SASH1: variants seen among roughly 807,000 people sequenced by gnomAD.
The protein encoded by SASH1 is SAM and SH3 domain containing 1, also known as SAM and SH3 domain-containing protein 1.
Under a neutral mutation model 125.2 loss-of-function variants are expected in SASH1, and 44 were observed. The observed-to-expected ratio is 0.35, with a 90% confidence interval of 0.28 to 0.45. SASH1 has a LOEUF of 0.45. SASH1 is among the 20% of genes least tolerant of loss of function. The pLI, the probability that SASH1 is intolerant of heterozygous loss-of-function variation, is 1.00. For synonymous variants in SASH1, 639 were observed against 649.1 expected, an observed-to-expected ratio of 0.98 and a Z score of 0.24; for missense variants, 1,426 against 1,614.5, an observed-to-expected ratio of 0.88 and a Z score of 2.00.
intron 1 of SASH1, among the ~76,000 whole-genome samples, chr6:148,316,319 G>A (rs148067430): frequency 0.015 from 2,349 of 152,260 alleles, 33 homozygotes; most frequent in Non-Finnish European, 0.023. Flanking sequence ...CATAGGCAGC[G>A]TGGGGCAGAC....
intron 2 of SASH1, among the ~76,000 whole-genome samples, chr6:148,407,065 T>A (rs1050694635): frequency 5.9e-5 from 9 of 151,892 alleles, no homozygotes; most frequent in Non-Finnish European, 8.8e-5. Context: ...AAAATTATTT[T>A]AAAAAATTAT....
chr6:148,537,398 C>T (rs139886516), intron 16 of SASH1, among the ~76,000 whole-genome samples: 1 of 152,284 alleles, frequency 6.6e-6, no homozygotes, highest in African/African-American at 2.4e-5. Flanking sequence ...ATGAAAGCCT[C>T]TTACAAATTG....
intron 1 of SASH1, among the ~76,000 whole-genome samples, chr6:148,366,123 A>G (rs1362245985): frequency 7.2e-6 from 1 of 139,014 alleles, no homozygotes; most frequent in Non-Finnish European, 1.6e-5. Context: ...AAAAAAGAAA[A>G]GAAAAAAAAA....
intron 1 of SASH1, among the ~76,000 whole-genome samples, chr6:148,375,476 G>A (rs1390584139): frequency 6.6e-6 from 1 of 151,708 alleles, no homozygotes; most frequent in Non-Finnish European, 1.5e-5. Context: ...CTTCCAAGAT[G>A]TTTTAAATCT....
At chr6:148,270,424 C>T (rs770030263), upstream of SASH1, among the ~76,000 whole-genome samples, 2 of 152,124 alleles carry the variant, frequency 1.3e-5, no homozygotes, top group African/African-American at 2.4e-5. Context: ...TAAATAAGTG[C>T]ATTACTGATA....
chr6:148,306,308 C>T (rs533864872), intron 1 of SASH1, among the ~76,000 whole-genome samples: 1 of 152,286 alleles, frequency 6.6e-6, no homozygotes, highest in Admixed American at 6.5e-5. Context: ...ATGTCCGCCT[C>T]TAAAGGGACA....
intron 1 of SASH1, among the ~76,000 whole-genome samples, chr6:148,336,648 G>A (rs1781164571): frequency 6.6e-6 from 1 of 152,232 alleles, no homozygotes; most frequent in Non-Finnish European, 1.5e-5. Context: ...GACAGAAACA[G>A]AGGTAAAGCA....
At chr6:148,475,204 A>G (rs146158249) in intron 7 of SASH1, among the ~76,000 whole-genome samples, 1 of 152,334 alleles carries the variant, frequency 6.6e-6, no homozygotes, top group Non-Finnish European at 1.5e-5. Flanking sequence ...TTAGAAATTG[A>G]CAAAAACCTT....
intron 7 of SASH1, among the ~76,000 whole-genome samples, chr6:148,482,854 A>C (rs911636906): frequency 1.3e-5 from 2 of 151,728 alleles, no homozygotes. Flanking sequence ...ACGCCCAGCT[A>C]ATTTTTGTAT....
chr6:148,431,976 ATTTT>A (rs5880778), intron 2 of SASH1, among the ~76,000 whole-genome samples: 2 of 139,964 alleles, frequency 1.4e-5, no homozygotes, highest in Admixed American at 7.2e-5. Flanking sequence ...AAGTAATATA[ATTTT>A]TTTTTTTTTT....
intron 8 of SASH1, among the ~76,000 whole-genome samples, chr6:148,491,936 T>G (rs1475095628): frequency 1.3e-5 from 2 of 152,208 alleles, no homozygotes; most frequent in African/African-American, 4.8e-5. Context: ...CCTCAAGTCC[T>G]GAAGTCTAAC....
chr6:148,524,210 T>C (rs1293135610), intron 10 of SASH1, among the ~76,000 whole-genome samples: 4 of 139,366 alleles, frequency 2.9e-5, no homozygotes, highest in African/African-American at 1.0e-4. Flanking sequence ...ATGGCAAAAC[T>C]GCGATTACTT....
chr6:148,210,561 T>C, the SASH1 span, among the ~76,000 whole-genome samples: 1 of 152,176 alleles, frequency 6.6e-6, no homozygotes, highest in Non-Finnish European at 1.5e-5. Flanking sequence ...AAAAACTATA[T>C]CATTGCTGTC....
At chr6:148,530,810 G>GATA (rs1423113333) in intron 12 of SASH1, among the ~76,000 whole-genome samples, 2 of 152,298 alleles carry the variant, frequency 1.3e-5, no homozygotes, top group African/African-American at 4.8e-5. Flanking sequence ...CCGCTGAGAG[G>GATA]ATAATACTTA....
chr6:148,215,142 T>C, the SASH1 span, among the ~76,000 whole-genome samples: 1 of 152,234 alleles, frequency 6.6e-6, no homozygotes, highest in Admixed American at 6.5e-5. Flanking sequence ...TGTGAGGGGT[T>C]CTGCCAGCAC....
Position 148,326,091 on chromosome 6 carries a change from G to C in SASH1, n.74+53714G>C, listed in dbSNP as rs1257551435. Among the ~76,000 whole-genome samples the C allele has an allele frequency of 3.4e-5, 5 of 148,782 alleles. No individual in the cohort carries two copies. In the South Asian group the frequency reaches 1.1e-3, roughly 32 times the overall value. On this transcript the variant is annotated intron_variant and non_coding_transcript_variant, in intron 1 of 3. Coordinates refer to the SASH1 transcript ENST00000367469. ...CACCCAGGCTGGAGTGTAATGGCAC[G>C]ATCTCCACTCACTGCAATCTCCACC... is the stretch of plus-strand genomic sequence containing the variant.
chr6:148,379,798 A>G (rs1783059582), intron 1 of SASH1: 1 of 399,146 alleles, frequency 2.5e-6, no homozygotes. Flanking sequence ...CACCTTTTAA[A>G]AACTCCTTAC....
At chr6:148,236,263 G>A in the SASH1 span, among the ~76,000 whole-genome samples, 1 of 151,274 alleles carries the variant, frequency 6.6e-6, no homozygotes, top group African/African-American at 2.4e-5. Flanking sequence ...CACCCAGGCT[G>A]GAGTGCAATG....
upstream of SASH1, chr6:148,342,638 G>A (rs1207684374): frequency 6.6e-6 from 1 of 152,154 alleles, no homozygotes; most frequent in Non-Finnish European, 1.5e-5. Context: ...AGATCTAGAG[G>A]CTCCGCGGCC....
Sources: gnomAD v4.1 joint callset for allele counts (sites outside exome capture counted in the v4.1 genomes callset) on GRCh38, gnomAD v4.1.1 for gene constraint, MANE v1.5 for transcripts, NCBI Gene and HGNC (gene_info 2026-07-23, HGNC 2026-07-21) for gene names.